SLC25A24: variants seen among roughly 807,000 people sequenced by gnomAD.
The protein encoded by SLC25A24 is mitochondrial adenyl nucleotide antiporter SLC25A24.
In SLC25A24, 49 loss-of-function variants were observed where a neutral mutation model predicts 60.7. The ratio of observed to expected loss-of-function variants is 0.81; its 90% CI spans 0.64 to 1.02. SLC25A24 has a LOEUF of 1.02. Ranked by LOEUF, SLC25A24 falls within the 50% of genes least tolerant of loss-of-function variation. SLC25A24 has a pLI of 0.00. For synonymous variants in SLC25A24, 202 were observed against 200.6 expected (o/e 1.01, Z -0.06); for missense variants, 564 against 586.3 (o/e 0.96, Z 0.39).
intron 3 of SLC25A24, among the ~76,000 whole-genome samples, chr1:108,170,973 G>C (rs1647440720): frequency 6.6e-6 from 1 of 152,102 alleles, no homozygotes. Context: ...GGGATGAAGG[G>C]AAATCATGCC....
In SLC25A24 at chr1:108,134,171, C is replaced by G. The variant is rs1021740113; in HGVS notation, c.*2482G>C. On this transcript the variant is annotated 3_prime_UTR_variant, in exon 10 of 10. Transcript: ENST00000565488. ...CAGATGCTGGCAATTGCACACAGAG[C>G]TGCCTTGTGCAGCTGTGGACAGGGA... 6.6e-6 allele frequency: 1 copy of G among 152,234 alleles called. No individual in the cohort carries two copies. The highest frequency in any genetic ancestry group is 2.1e-4 in the South Asian group (1 of 4,836). 9.4% of individuals were successfully genotyped at this position (152,234 alleles called of 1,614,324 possible).
intron 1 of SLC25A24, among the ~76,000 whole-genome samples, chr1:108,190,534 GTT>G (rs1403303944): frequency 6.6e-6 from 1 of 151,978 alleles, no homozygotes; most frequent in African/African-American, 2.4e-5. Context: ...TTGAGTCAAA[GTT>G]CTATTTTTAT....
chr1:108,185,754 G>A, intron 2 of SLC25A24, 74 bp downstream of exon 2: 1 of 1,082,282 alleles, frequency 9.2e-7, no homozygotes, highest in Admixed American at 2.9e-5. Context: ...GATTAAATAA[G>A]CATCCTTTTA....
chr1:108,156,941 T>C (rs1485258478), intron 5 of SLC25A24, among the ~76,000 whole-genome samples: 1 of 152,220 alleles, frequency 6.6e-6, no homozygotes, highest in Non-Finnish European at 1.5e-5. Context: ...TTAACTGGGT[T>C]ACCACAGTGA....
At chr1:108,198,677 T>C (rs1428416919) in intron 1 of SLC25A24, 1 of 152,220 alleles carries the variant, frequency 6.6e-6, no homozygotes, top group Non-Finnish European at 1.5e-5. Flanking sequence ...TTAAAAATCA[T>C]TGAGCACTCC....
At chr1:108,175,007 T>C (rs551351470) in intron 3 of SLC25A24, among the ~76,000 whole-genome samples, 13 of 152,202 alleles carry the variant, frequency 8.5e-5, no homozygotes, top group Non-Finnish European at 1.9e-4. Flanking sequence ...TTGTCTCTGA[T>C]GAAACCTTGG....
chr1:108,140,140 A>G (rs1679406037), intron 8 of SLC25A24, among the ~76,000 whole-genome samples: 2 of 152,164 alleles, frequency 1.3e-5, no homozygotes, highest in Non-Finnish European at 2.9e-5. Flanking sequence ...CTGTAAGACT[A>G]AAAATTTTAA....
chr1:108,160,237 CG>C (rs1027489548), intron 4 of SLC25A24, among the ~76,000 whole-genome samples: 2 of 151,038 alleles, frequency 1.3e-5, no homozygotes, highest in Admixed American at 1.3e-4. Context: ...ACATCCCAGA[CG>C]GGGCGGCGGG....
At chr1:108,189,743 T>G (rs570459766) in intron 1 of SLC25A24, among the ~76,000 whole-genome samples, 2 of 146,836 alleles carry the variant, frequency 1.4e-5, no homozygotes, top group Admixed American at 6.9e-5. Flanking sequence ...TTGAACCCGG[T>G]AGACAGAGGT....
In SLC25A24 at chr1:108,139,240, C is replaced by T. The variant is rs777755221; in HGVS notation, c.1099-32G>A. On this transcript the variant is annotated intron_variant, in intron 8 of 9. Coordinates refer to ENST00000565488, the MANE Select transcript of SLC25A24 (RefSeq NM_013386.5). ...GAGAAATAAAGAAGAAAATAATTAACGAACTCTACAACTTCAACGTAAACA... is the reference window on the plus strand; with the variant it reads ...GAGAAATAAAGAAGAAAATAATTAATGAACTCTACAACTTCAACGTAAACA... The T allele has an allele frequency of 1.7e-5, 27 of 1,568,210 alleles. No individual in the cohort carries two copies. The East Asian group carries it at 4.4e-4, about 25-fold the overall frequency.
chr1:108,154,938 A>G, intron 6 of SLC25A24, 45 bp downstream of exon 6: 1 of 1,454,362 alleles, frequency 6.9e-7, no homozygotes, highest in Admixed American at 2.0e-5. Flanking sequence ...GAATCCGTTT[A>G]CTAACTCCTC....
chr1:108,188,591 T>G (rs1031460794), intron 1 of SLC25A24, among the ~76,000 whole-genome samples: 8 of 152,196 alleles, frequency 5.3e-5, no homozygotes, highest in African/African-American at 1.2e-4. Flanking sequence ...ACAAGAATAG[T>G]CACCGACCAA....
At chr1:108,162,297 G>T (rs1680110694) in intron 3 of SLC25A24, among the ~76,000 whole-genome samples, 1 of 147,834 alleles carries the variant, frequency 6.8e-6, no homozygotes, top group African/African-American at 2.5e-5. Context: ...ATAGTCCTTT[G>T]GGTATATACC....
At chr1:108,167,473 G>A (rs1647231377) in intron 3 of SLC25A24, among the ~76,000 whole-genome samples, 1 of 152,248 alleles carries the variant, frequency 6.6e-6, no homozygotes, top group South Asian at 2.1e-4. Flanking sequence ...TCCGAGCCAG[G>A]TGCAGGATAT....
intron 1 of SLC25A24, chr1:108,199,450 C>G (rs1455263736): frequency 6.1e-6 from 1 of 164,204 alleles, no homozygotes; most frequent in African/African-American, 2.4e-5. Flanking sequence ...TGCCGCCATT[C>G]CTTCTCAACA....
At chr1:108,153,675 C>A (rs1679811327) in intron 6 of SLC25A24, among the ~76,000 whole-genome samples, 1 of 152,166 alleles carries the variant, frequency 6.6e-6, no homozygotes, top group African/African-American at 2.4e-5. Flanking sequence ...GCTTTCTCTT[C>A]ATGTCTAAGA....
chr1:108,174,323 C>T (rs1185462934), intron 3 of SLC25A24, among the ~76,000 whole-genome samples: 1 of 152,216 alleles, frequency 6.6e-6, no homozygotes, highest in Non-Finnish European at 1.5e-5. Context: ...CAGGCCATGG[C>T]TTCAGAAGGT....
chr1:108,188,717 G>T (rs752914968), intron 1 of SLC25A24, among the ~76,000 whole-genome samples: 11 of 152,300 alleles, frequency 7.2e-5, no homozygotes, highest in Middle Eastern at 3.4e-3. Context: ...GCTCAAATCT[G>T]TCTCCCTATG....
intron 4 of SLC25A24, among the ~76,000 whole-genome samples, chr1:108,160,135 G>GAGA (rs1680020451): frequency 3.9e-5 from 6 of 151,972 alleles, no homozygotes; most frequent in Admixed American, 3.9e-4. Flanking sequence ...TGGCTGCCGG[G>GAGA]CGGAGACGCT....
Sources: allele counts gnomAD v4.1 joint callset (sites outside exome capture counted in the v4.1 genomes callset), GRCh38; gene constraint gnomAD v4.1.1; transcripts MANE v1.5; gene names NCBI Gene and HGNC (gene_info 2026-07-23, HGNC 2026-07-21).